Variants in DOCK5 observed in about 807,000 individuals in gnomAD.
The protein encoded by DOCK5 is dedicator of cytokinesis protein 5.
Under a neutral mutation model 251.8 loss-of-function variants are expected in DOCK5, and 142 were observed. The observed-to-expected ratio is 0.56, with a 90% CI of 0.49 to 0.65. The LOEUF (loss-of-function observed/expected upper bound fraction) is 0.65, where lower values mean the gene tolerates loss of function less well. DOCK5 is among the 30% of genes least tolerant of loss of function. DOCK5 has a pLI of 0.00. For missense variants in DOCK5, 2,111 were observed against 2,312.3 expected (o/e 0.91, Z 1.79); for synonymous variants, 842 against 835.5 (o/e 1.01, Z -0.13).
chr8:25,377,252 G>A, intron 37 of DOCK5, 53 bp from the exon 38 acceptor site: 3 of 1,552,850 alleles, frequency 1.9e-6, no homozygotes, highest in African/African-American at 1.4e-5. Context: ...TCTTGATGTT[G>A]GGGGGCTGAA....
At chr8:25,280,224 G>A (rs1356588591) in intron 5 of DOCK5, among the ~76,000 whole-genome samples, 1 of 152,204 alleles carries the variant, frequency 6.6e-6, no homozygotes, top group Non-Finnish European at 1.5e-5. Flanking sequence ...TACAAGTTCA[G>A]GGAGGTTGTA....
intron 1 of DOCK5, among the ~76,000 whole-genome samples, chr8:25,226,080 T>C (rs1225484646): frequency 6.6e-6 from 1 of 151,994 alleles, no homozygotes; most frequent in Non-Finnish European, 1.5e-5. Context: ...TAAGAAAAAA[T>C]ACTGAAGTCA....
At chr8:25,274,352 G>T (rs531589279) in intron 3 of DOCK5, among the ~76,000 whole-genome samples, 7 of 152,296 alleles carry the variant, frequency 4.6e-5, no homozygotes, top group Non-Finnish European at 1.0e-4. Context: ...ACAGTGCCAG[G>T]TATAAGCTCC....
intron 23 of DOCK5, 52 bp from the exon 24 acceptor site, chr8:25,341,687 C>A: frequency 1.4e-6 from 2 of 1,450,194 alleles, no homozygotes; most frequent in Non-Finnish European, 1.9e-6. Flanking sequence ...GCAGTAAATA[C>A]TGTATTTGTC....
intron 3 of DOCK5, 127 bp from the exon 4 acceptor site, chr8:25,275,259 C>T (rs777149967): frequency 1.8e-5 from 12 of 665,348 alleles, no homozygotes; most frequent in Non-Finnish European, 3.0e-5. Flanking sequence ...GTCCTGCCAA[C>T]CTGATCTCAG....
chr8:25,373,225 C>T (rs1800906089), intron 35 of DOCK5, among the ~76,000 whole-genome samples: 1 of 151,946 alleles, frequency 6.6e-6, no homozygotes, highest in Admixed American at 6.6e-5. Context: ...GTCTCGATCT[C>T]CTGACCTCAT....
chr8:25,341,303 T>C (rs1367756687), intron 23 of DOCK5, among the ~76,000 whole-genome samples: 1 of 152,156 alleles, frequency 6.6e-6, no homozygotes, highest in Non-Finnish European at 1.5e-5. Context: ...CAAATTTTTA[T>C]TTTTTGTCCC....
chr8:25,214,071 T>A (rs1053285615), intron 1 of DOCK5, among the ~76,000 whole-genome samples: 5 of 152,218 alleles, frequency 3.3e-5, no homozygotes, highest in Admixed American at 1.3e-4. Context: ...TTATTTTCAA[T>A]AATTTTGTCC....
chr8:25,362,452 CTTTTCTTTTCTTTTT>C (rs1335383951), intron 28 of DOCK5, among the ~76,000 whole-genome samples: 2 of 107,080 alleles, frequency 1.9e-5, no homozygotes, highest in African/African-American at 3.4e-5. Context: ...CTTTTCTTTT[CTTTTCTTTTCTTTTT>C]TTTTTTTTTT....
rs1563309184 is a variant in DOCK5 at position 25,210,043 on chromosome 8, T to TATATATAAAA, written c.43+25092_43+25093insATATATAAAA. On this transcript the variant is annotated intron_variant, in intron 1 of 51. Coordinates refer to ENST00000276440, the MANE Select transcript of DOCK5 (RefSeq NM_024940.8). ...ATATATATATATATATAAATGTGTG[T>TATATATAAAA]GTGTGTGTGTGTGTGTGTGTGTGTG... Among the ~76,000 whole-genome samples, 41 of 25,196 alleles carry TATATATAAAA rather than the reference T, an allele frequency of 1.6e-3. 14 individuals are homozygous for TATATATAAAA. Among genetic ancestry groups the TATATATAAAA allele is most frequent in the South Asian group, 0.014 (17 of 1,216 alleles). 16.5% of individuals were successfully genotyped at this position (25,196 alleles called of 152,430 possible).
At chr8:25,376,260 TG>T (rs1800961781) in intron 37 of DOCK5, 12 of 985,276 alleles carry the variant, frequency 1.2e-5, no homozygotes, top group African/African-American at 3.5e-5. Flanking sequence ...TCTCCTATCC[TG>T]GTGTAAGATA....
Position 25,243,711 on chromosome 8 carries a change from C to T in DOCK5, c.81C>T (p.Leu27=), listed in dbSNP as rs766001492. Residue 27 remains leucine (L), a synonymous_variant, in exon 2 of 52, where the codon CTC becomes CTT. Coordinates refer to ENST00000276440, the MANE Select transcript of DOCK5 (RefSeq NM_024940.8). ...YNYNASQDVE[L]SLQIGDTVHI... ...ACAATGCTTCTCAAGATGTGGAGCT[C>T]TCCTTGCAGATCGGTGACACAGTTC... 6 of 1,613,744 alleles carry T rather than the reference C, an allele frequency of 3.7e-6. No individual in the cohort carries two copies. The highest frequency in any genetic ancestry group is 2.2e-5 in the South Asian group (2 of 91,046).
At chr8:25,297,009 G>C (rs1373791966) in intron 7 of DOCK5, among the ~76,000 whole-genome samples, 2 of 152,014 alleles carry the variant, frequency 1.3e-5, no homozygotes, top group African/African-American at 4.8e-5. Context: ...AAACGGGGTG[G>C]GAGGGAGACT....
intron 45 of DOCK5, among the ~76,000 whole-genome samples, chr8:25,399,328 C>G (rs536475523): frequency 6.6e-6 from 1 of 152,134 alleles, no homozygotes; most frequent in East Asian, 1.9e-4. Context: ...TAAGGGCAAC[C>G]AGCATTTAAT....
intron 1 of DOCK5, among the ~76,000 whole-genome samples, chr8:25,221,440 C>G (rs541101908): frequency 6.6e-6 from 1 of 152,262 alleles, no homozygotes; most frequent in African/African-American, 2.4e-5. Flanking sequence ...TCTTGAGTAG[C>G]CGGGATTACA....
At chr8:25,367,115 G>A in intron 31 of DOCK5, 145 bp downstream of exon 31, 1 of 691,376 alleles carries the variant, frequency 1.4e-6, no homozygotes, top group Non-Finnish European at 2.5e-6. Context: ...TTACTTAATA[G>A]GCCTCACATT....
intron 2 of DOCK5, among the ~76,000 whole-genome samples, chr8:25,244,845 C>T (rs1803055202): frequency 6.6e-6 from 1 of 152,174 alleles, no homozygotes; most frequent in Non-Finnish European, 1.5e-5. Flanking sequence ...CTTTTCCCTT[C>T]CACACAACTC....
At chr8:25,280,160 T>C (rs1015539194) in intron 5 of DOCK5, among the ~76,000 whole-genome samples, 7 of 152,254 alleles carry the variant, frequency 4.6e-5, no homozygotes, top group Admixed American at 3.3e-4. Flanking sequence ...TCCAGCCTTC[T>C]GTGGCTGACC....
intron 2 of DOCK5, among the ~76,000 whole-genome samples, chr8:25,258,152 G>A (rs1183368703): frequency 2.0e-5 from 3 of 151,910 alleles, no homozygotes; most frequent in African/African-American, 7.3e-5. Context: ...TCCTTGTTTT[G>A]CAGTGGAAAT....
Sources: allele counts gnomAD v4.1 joint callset (sites outside exome capture counted in the v4.1 genomes callset), GRCh38; gene constraint gnomAD v4.1.1; transcripts MANE v1.5; gene names NCBI Gene and HGNC (gene_info 2026-07-23, HGNC 2026-07-21).